PARP15: variants seen among roughly 807,000 people sequenced by gnomAD.
PARP15 encodes protein mono-ADP-ribosyltransferase PARP15.
Under a neutral mutation model 62.1 loss-of-function variants are expected in PARP15, and 50 were observed. The observed-to-expected ratio is 0.81, with a 90% confidence interval of 0.64 to 1.02. The LOEUF (loss-of-function observed/expected upper bound fraction) is 1.02. Ranked by LOEUF, PARP15 falls within the 50% of genes least tolerant of loss-of-function variation. PARP15 has a pLI of 0.00. For missense variants in PARP15, 820 were observed against 826.5 expected, an observed-to-expected ratio of 0.99 and a Z score of 0.10; for synonymous variants, 309 against 293.1, an observed-to-expected ratio of 1.05 and a Z score of -0.55.
intron 1 of PARP15, among the ~76,000 whole-genome samples, chr3:122,590,982 C>T (rs542394764): frequency 5.3e-5 from 8 of 152,204 alleles, no homozygotes; most frequent in African/African-American, 1.9e-4. Flanking sequence ...TACTTTTTTC[C>T]CCATGATTTG....
chr3:122,602,016 G>A (rs1241520720), intron 1 of PARP15, among the ~76,000 whole-genome samples: 2 of 151,986 alleles, frequency 1.3e-5, no homozygotes, highest in Admixed American at 1.3e-4. Flanking sequence ...TCCCTTAGAC[G>A]TTTTTATATG....
Position 122,636,469 on chromosome 3 carries a change from G to A in PARP15, c.*369G>A, listed in dbSNP as rs541689537. ...ACATGTTAAGACATCGAATGGTGGCGGGTTAAACTGTACTGCTTAAGTGGA... is the reference window on the plus strand; with the variant it reads ...ACATGTTAAGACATCGAATGGTGGCAGGTTAAACTGTACTGCTTAAGTGGA... On this transcript the variant is annotated 3_prime_UTR_variant, in exon 12 of 12. Transcript: ENST00000464300. 8.8e-5 allele frequency: 20 copies of A among 227,950 alleles called. No individual in the cohort carries two copies. Among genetic ancestry groups the A allele is most frequent in the Admixed American group, 5.1e-4 (10 of 19,762 alleles). The allele number at this position is 227,950 out of a possible 1,614,324, so 14.1% of individuals were successfully genotyped here. A position where few individuals can be genotyped will look rare whatever the true frequency, so the allele number is the denominator to read the frequency against.
chr3:122,617,015 G>C lies in PARP15; in HGVS notation c.851G>C (p.Gly284Ala), dbSNP rs746498386. ...ARIPMAGDTQ[G>A]VVGTVSKPCF... ...CTTTACCTATTTTCTTTCTTTTCAG[G>C]TGTGGTCGGGACTGTCTCTAAGCCT... The change falls in exon 6 of 12, where the codon GGT (glycine) becomes GCT (alanine). Residue 284 changes from glycine (G) to alanine (A), a missense_variant and splice_region_variant. By Grantham distance (60) the Gly-to-Ala change is moderately conservative. Around this residue, in one of 3 missense-constraint regions of PARP15, gnomAD observed 731 missense variants for 727.7 expected, o/e 1.00. Transcript: ENST00000464300. 30 of 1,613,316 alleles carry C rather than the reference G, an allele frequency of 1.9e-5. No individual in the cohort carries two copies. Among genetic ancestry groups the C allele is most frequent in the Non-Finnish European group, 2.5e-5 (29 of 1,179,604 alleles).
chr3:122,580,001 A>ATATATGTG (rs1553725418), intron 1 of PARP15, among the ~76,000 whole-genome samples: 1 of 62,184 alleles, frequency 1.6e-5, no homozygotes, highest in East Asian at 5.4e-4. Flanking sequence ...AACTATATGT[A>ATATATGTG]TATATATATA....
intron 9 of PARP15, among the ~76,000 whole-genome samples, chr3:122,631,182 G>A (rs574018553): frequency 5.9e-5 from 9 of 152,338 alleles, no homozygotes; most frequent in Admixed American, 1.3e-4. Context: ...ATGGACAGTG[G>A]GGAAAGGAAG....
chr3:122,610,344 A>G (rs913677353), intron 2 of PARP15, 150 bp from the exon 3 acceptor site: 1 of 681,774 alleles, frequency 1.5e-6, no homozygotes, highest in Non-Finnish European at 2.5e-6. Context: ...TGCTAACAAT[A>G]GACTGTAAGC....
At chr3:122,612,417 GT>G (rs1456921689) in intron 3 of PARP15, among the ~76,000 whole-genome samples, 1 of 149,118 alleles carries the variant, frequency 6.7e-6, no homozygotes, top group Non-Finnish European at 1.5e-5. Context: ...TTTAAATACA[GT>G]TTTTTTGTTT....
chr3:122,602,502 C>A (rs1934876207), intron 1 of PARP15, among the ~76,000 whole-genome samples: 1 of 152,190 alleles, frequency 6.6e-6, no homozygotes, highest in Non-Finnish European at 1.5e-5. Flanking sequence ...CACGTTTCTC[C>A]TGCGGGCACA....
chr3:122,605,879 C>G (rs1935129052), intron 1 of PARP15, 57 bp from the exon 2 acceptor site: 1 of 1,531,492 alleles, frequency 6.5e-7, no homozygotes, highest in African/African-American at 1.4e-5. Context: ...CCGCACCTGG[C>G]CTAAGAGAAC....
chr3:122,626,431 C>A (rs1298278707), intron 8 of PARP15, among the ~76,000 whole-genome samples: 1 of 152,038 alleles, frequency 6.6e-6, no homozygotes, highest in Non-Finnish European at 1.5e-5. Context: ...ATCTCCTGAC[C>A]TCGTGATCCA....
At position 122,599,892 on chromosome 3, in the gene PARP15, A is replaced by C. The variant is rs79417883; in HGVS notation, c.187-6044A>C. Among the ~76,000 whole-genome samples the C allele has an allele frequency of 1.3e-3, 204 of 152,356 alleles. 5 individuals are homozygous for C. The East Asian group carries it at 0.025, about 19-fold the overall frequency. ...ACCAGGCTTGTTTCCTCATTCAGAA[A>C]GTATCTATCTCACAGGCTCATTGTT... On this transcript the variant is annotated intron_variant, in intron 1 of 11. Coordinates refer to ENST00000464300, the MANE Select transcript of PARP15 (RefSeq NM_001113523.3).
chr3:122,606,022 C>T lies in PARP15; in HGVS notation c.273C>T (p.Leu91=), dbSNP rs1157085067. The T allele has an allele frequency of 1.3e-6, 2 of 1,552,024 alleles. No individual in the cohort carries two copies. The highest frequency in any genetic ancestry group is 1.4e-5 in the African/African-American group (1 of 73,134). ...ASIQTKEGLN[L]KLISGDVLYI... ...TCCAAACCAAAGAAGGTCTGAATCTCAAGTTGATAAGTGGAGATGTTCTGT... is the reference window on the plus strand; with the variant it reads ...TCCAAACCAAAGAAGGTCTGAATCTTAAGTTGATAAGTGGAGATGTTCTGT... The change falls in exon 2 of 12, where the codon CTC becomes CTT. Residue 91 remains leucine (L), a synonymous_variant. Coordinates refer to ENST00000464300, the MANE Select transcript of PARP15 (RefSeq NM_001113523.3).
rs936547472 is a variant in PARP15 at position 122,580,019 on chromosome 3, A to G, written c.186+2166A>G. The stretch of plus-strand genomic sequence containing the variant: ...TATATGTATATATATATATATATAT[A>G]TATATATATATATATATGCACGCGC... On this transcript the variant is annotated intron_variant, in intron 1 of 11. Transcript: ENST00000464300. Among the ~76,000 whole-genome samples the G allele has an allele frequency of 6.2e-5, 8 of 128,584 alleles. 1 individual carries two copies. The highest frequency in any genetic ancestry group is 2.4e-4 in the South Asian group (1 of 4,162). The allele number at this position is 128,584 out of a possible 152,430, so 84.4% of individuals were successfully genotyped here.
At chr3:122,581,918 A>G (rs1038449374) in intron 1 of PARP15, among the ~76,000 whole-genome samples, 1 of 152,194 alleles carries the variant, frequency 6.6e-6, no homozygotes, top group African/African-American at 2.4e-5. Flanking sequence ...TATGTTTTGA[A>G]ATCAGGAAGT....
At chr3:122,616,534 G>A (rs1935985743) in intron 5 of PARP15, among the ~76,000 whole-genome samples, 1 of 151,938 alleles carries the variant, frequency 6.6e-6, no homozygotes, top group Admixed American at 6.6e-5. Context: ...GTTTCACCAT[G>A]TTGACCAAGC....
chr3:122,623,606 G>T (rs1392167480), intron 8 of PARP15, among the ~76,000 whole-genome samples: 1 of 152,204 alleles, frequency 6.6e-6, no homozygotes, highest in Non-Finnish European at 1.5e-5. Flanking sequence ...TAAGTGCAAA[G>T]CCCCAGAGGA....
At chr3:122,625,113 T>C (rs895453178) in intron 8 of PARP15, among the ~76,000 whole-genome samples, 5 of 152,172 alleles carry the variant, frequency 3.3e-5, no homozygotes, top group African/African-American at 1.2e-4. Flanking sequence ...TTACCCCCAA[T>C]TTCTAGCTGA....
intron 1 of PARP15, among the ~76,000 whole-genome samples, chr3:122,589,628 C>A (rs978428242): frequency 6.6e-6 from 1 of 152,106 alleles, no homozygotes; most frequent in Admixed American, 6.6e-5. Flanking sequence ...TAATGGCTAA[C>A]GATGTTGTGC....
In PARP15 at chr3:122,589,863, A is replaced by G. The variant is rs543807215; in HGVS notation, c.186+12010A>G. 2.6e-5 allele frequency among the ~76,000 whole-genome samples: 4 copies of G among 151,190 alleles called. No individual in the cohort carries two copies. In the East Asian group the frequency reaches 7.8e-4, roughly 29 times the overall value. ...CATTCATGTTATTTTTTATTTTCAC[A>G]AAATGTATTATTTGTAAGGCATAAC... On this transcript the variant is annotated intron_variant, in intron 1 of 11. Coordinates refer to ENST00000464300, the MANE Select transcript of PARP15 (RefSeq NM_001113523.3).
Sources: gnomAD v4.1 joint callset for allele counts (sites outside exome capture counted in the v4.1 genomes callset) on GRCh38, gnomAD v4.1.1 for gene constraint, gnomAD v4.1.1 regional missense constraint, MANE v1.5 for transcripts, NCBI Gene and HGNC (gene_info 2026-07-23, HGNC 2026-07-21) for gene names.